SHANK2: variants seen among roughly 807,000 people sequenced by gnomAD.
The protein encoded by SHANK2 is SH3 and multiple ankyrin repeat domains protein 2.
In SHANK2, 43 loss-of-function variants were observed where a neutral mutation model predicts 133.7. The ratio of observed to expected loss-of-function variants is 0.32; its 90% CI spans 0.25 to 0.41. The LOEUF (loss-of-function observed/expected upper bound fraction) is 0.41, where lower values mean the gene tolerates loss of function less well. SHANK2 is among the 10% of genes least tolerant of loss of function. SHANK2 has a pLI of 1.00. For synonymous variants in SHANK2, 1,017 were observed against 952.8 expected, an observed-to-expected ratio of 1.07 and a Z score of -1.24; for missense variants, 1,994 against 2,235.8, an observed-to-expected ratio of 0.89 and a Z score of 2.18.
intron 1 of SHANK2, among the ~76,000 whole-genome samples, chr11:71,232,487 C>A (rs1469896201): frequency 6.6e-6 from 1 of 152,108 alleles, no homozygotes; most frequent in South Asian, 2.1e-4. Context: ...TATTCTCCCA[C>A]CTCTGCCGCC....
chr11:71,131,972 C>G (rs1338144917), intron 3 of SHANK2, among the ~76,000 whole-genome samples: 1 of 152,218 alleles, frequency 6.6e-6, no homozygotes, highest in Non-Finnish European at 1.5e-5. Context: ...TTAAGGGGGT[C>G]CCCGAGGCCG....
At chr11:70,644,827 C>T (rs376702475) in intron 17 of SHANK2, among the ~76,000 whole-genome samples, 4 of 152,268 alleles carry the variant, frequency 2.6e-5, no homozygotes, top group East Asian at 3.9e-4. Context: ...TTGCCAAGAC[C>T]GACACCTGTG....
At chr11:70,730,826 C>CTTTTTTTTTTTTT (rs34081906) in intron 14 of SHANK2, among the ~76,000 whole-genome samples, 2 of 127,392 alleles carry the variant, frequency 1.6e-5, no homozygotes, top group Non-Finnish European at 1.6e-5. Flanking sequence ...TTTTTTATTT[C>CTTTTTTTTTTTTT]TTTTTTTTTT....
chr11:71,145,780 T>C (rs1952631298), intron 3 of SHANK2, among the ~76,000 whole-genome samples: 1 of 142,822 alleles, frequency 7.0e-6, no homozygotes, highest in Non-Finnish European at 1.5e-5. Context: ...CCCTTCCCCA[T>C]CGTGGCTGGG....
At chr11:71,172,677 C>T (rs1555112453) in intron 2 of SHANK2, among the ~76,000 whole-genome samples, 1 of 151,938 alleles carries the variant, frequency 6.6e-6, no homozygotes, top group African/African-American at 2.4e-5. Flanking sequence ...TTCCAATGGC[C>T]TCTTGGGAAA....
At chr11:70,752,504 G>A (rs1946771497) in intron 14 of SHANK2, among the ~76,000 whole-genome samples, 1 of 151,918 alleles carries the variant, frequency 6.6e-6, no homozygotes, top group Non-Finnish European at 1.5e-5. Flanking sequence ...GGATCACAAG[G>A]TCAGGAGATC....
intron 11 of SHANK2, 34 bp from the exon 12 acceptor site, chr11:70,820,716 T>C (rs1357148509): frequency 6.3e-6 from 4 of 631,854 alleles, no homozygotes; most frequent in African/African-American, 5.4e-5. Context: ...GGCCGGTGAG[T>C]GCATCTGTGT....
chr11:70,886,843 A>G (rs1229198462), intron 11 of SHANK2, among the ~76,000 whole-genome samples: 2 of 152,108 alleles, frequency 1.3e-5, no homozygotes, highest in Non-Finnish European at 2.9e-5. Context: ...GTATCCAAGT[A>G]TTCCTTCGTC....
intron 17 of SHANK2, among the ~76,000 whole-genome samples, chr11:70,651,471 G>T (rs2061338523): frequency 6.6e-6 from 1 of 152,186 alleles, no homozygotes; most frequent in African/African-American, 2.4e-5. Flanking sequence ...GCCATCCAGG[G>T]CTCCCCACAG....
chr11:70,863,187 G>A, intron 11 of SHANK2: 1 of 374,782 alleles, frequency 2.7e-6, no homozygotes. Context: ...GGTGAGAGAG[G>A]TCCCTGGTCA....
intron 14 of SHANK2, among the ~76,000 whole-genome samples, chr11:70,725,959 G>T (rs578000195): frequency 2.8e-4 from 43 of 152,292 alleles, no homozygotes; most frequent in Admixed American, 7.8e-4. Context: ...AAAACATGTC[G>T]AAGCAGCTGG....
chr11:70,784,122 C>T (rs1947581887), intron 14 of SHANK2, among the ~76,000 whole-genome samples: 1 of 152,050 alleles, frequency 6.6e-6, no homozygotes, highest in East Asian at 1.9e-4. Flanking sequence ...ACCCTGTTCA[C>T]CCAGCCAGGG....
rs207472003 is a variant in SHANK2 at position 71,147,219 on chromosome 11, C to G, written c.108G>C (p.Thr36=). 1.3e-6 allele frequency: 2 copies of G among 1,550,886 alleles called. No individual in the cohort carries two copies. The highest frequency in any genetic ancestry group is 2.4e-5 in the East Asian group (1 of 40,918). The change falls in exon 3 of 26, where the codon ACG becomes ACC. Residue 36 remains threonine (T), a synonymous_variant. Transcript: ENST00000601538. ...CCGGCTTCTCCGCAGTGGCCCGGAT[C>G]GTGTCATAGATGGTCTCTTCTTTGG... The part of the protein sequence containing the change: ...DSSKEETIYD[T]IRATAEKPGG...
At chr11:71,159,853 G>T (rs537879807) in intron 2 of SHANK2, among the ~76,000 whole-genome samples, 67 of 152,140 alleles carry the variant, frequency 4.4e-4, no homozygotes, top group African/African-American at 1.4e-3. Flanking sequence ...GGGCATGGTG[G>T]TGGCACACCT....
chr11:71,216,236 A>C (rs142510194), intron 2 of SHANK2, among the ~76,000 whole-genome samples: 2 of 152,368 alleles, frequency 1.3e-5, no homozygotes, highest in East Asian at 3.9e-4. Flanking sequence ...TGATAAACAT[A>C]ATATTGGATT....
intron 2 of SHANK2, among the ~76,000 whole-genome samples, chr11:71,209,034 G>A (rs990544656): frequency 6.6e-6 from 1 of 152,172 alleles, no homozygotes; most frequent in African/African-American, 2.4e-5. Flanking sequence ...AATGTCAGGG[G>A]AAAGGTCAGA....
intron 15 of SHANK2, among the ~76,000 whole-genome samples, chr11:70,679,317 G>A (rs1349505828): frequency 5.3e-5 from 8 of 152,332 alleles, no homozygotes; most frequent in Non-Finnish European, 7.3e-5. Flanking sequence ...GGCAAATGGC[G>A]GAGCTGGGCA....
chr11:70,828,921 G>A (rs1452942439), intron 11 of SHANK2, among the ~76,000 whole-genome samples: 1 of 152,240 alleles, frequency 6.6e-6, no homozygotes, highest in African/African-American at 2.4e-5. Context: ...CCCAAGCCAA[G>A]TTTCTGAGCC....
At chr11:70,797,655 A>G (rs888551555) in intron 14 of SHANK2, among the ~76,000 whole-genome samples, 8 of 152,176 alleles carry the variant, frequency 5.3e-5, no homozygotes, top group African/African-American at 1.9e-4. Flanking sequence ...GTTTGGACAG[A>G]GCTCAGAGGC....
Sources: gnomAD v4.1 joint callset for allele counts (sites outside exome capture counted in the v4.1 genomes callset) on GRCh38, gnomAD v4.1.1 for gene constraint, MANE v1.5 for transcripts, NCBI Gene and HGNC (gene_info 2026-07-23, HGNC 2026-07-21) for gene names.